The following RAB3IP variants were observed in gnomAD, a reference collection of about 807,000 sequenced individuals.
The protein encoded by RAB3IP is RAB3A interacting protein.
RAB3IP carries 36 observed loss-of-function variants against 59.1 expected under a neutral mutation model. The ratio of observed to expected loss-of-function variants is 0.61; its 90% confidence interval spans 0.47 to 0.80. The LOEUF is 0.80. Among genes scored for constraint, RAB3IP ranks in the 30% least tolerant of loss-of-function variants. The pLI, the probability that RAB3IP is intolerant of heterozygous loss-of-function variation, is 0.00. For missense variants in RAB3IP, 511 were observed against 536.0 expected, an observed-to-expected ratio of 0.95 and a Z score of 0.46; for synonymous variants, 207 against 191.2, an observed-to-expected ratio of 1.08 and a Z score of -0.68.
chr12:69,739,859 A>T (rs978916903), intron 1 of RAB3IP: 2 of 1,612,060 alleles, frequency 1.2e-6, no homozygotes, highest in Non-Finnish European at 8.5e-7. Flanking sequence ...GGGATTAAAA[A>T]AGATGAAAGG....
At position 69,744,640 on chromosome 12, in the gene RAB3IP, C is replaced by T. The variant is rs182728526; in HGVS notation, c.-26+5609C>T. On this transcript the variant is annotated intron_variant, in intron 1 of 10. Coordinates refer to ENST00000247833, the MANE Select transcript of RAB3IP (RefSeq NM_022456.5). The stretch of plus-strand genomic sequence containing the variant: ...TCAGGAGACAGATGTTGCAGTGAGC[C>T]GAGATTGTGCCACTGCACTCCAGCC... Among the ~76,000 whole-genome samples, 15 of 150,508 alleles carry T rather than the reference C, an allele frequency of 1.0e-4. 1 individual carries two copies. Among genetic ancestry groups the T allele is most frequent in the African/African-American group, 2.5e-4 (10 of 40,776 alleles).
At chr12:69,786,932 T>A (rs1483114534) in intron 4 of RAB3IP, among the ~76,000 whole-genome samples, 2 of 152,210 alleles carry the variant, frequency 1.3e-5, no homozygotes, top group African/African-American at 2.4e-5. Flanking sequence ...TTAAAGATGA[T>A]TTTGGTAATG....
chr12:69,788,905 A>G (rs1876161669), intron 4 of RAB3IP, among the ~76,000 whole-genome samples: 1 of 152,076 alleles, frequency 6.6e-6, no homozygotes. Flanking sequence ...AAACAGGAAA[A>G]CTCAAATGTG....
At chr12:69,812,578 ATAC>A (rs1880603370) in intron 8 of RAB3IP, 197 bp from the exon 9 acceptor site, 5 of 523,378 alleles carry the variant, frequency 9.6e-6, no homozygotes, top group Non-Finnish European at 1.7e-5. Context: ...CATTAAACTT[ATAC>A]TACTAATAGA....
At chr12:69,788,774 G>A (rs1876138061) in intron 4 of RAB3IP, among the ~76,000 whole-genome samples, 1 of 152,068 alleles carries the variant, frequency 6.6e-6, no homozygotes, top group South Asian at 2.1e-4. Flanking sequence ...AGGTGCACAT[G>A]AAACATTCTC....
chr12:69,749,816 T>A (rs1297834751), intron 1 of RAB3IP, among the ~76,000 whole-genome samples: 1 of 152,222 alleles, frequency 6.6e-6, no homozygotes, highest in Non-Finnish European at 1.5e-5. Context: ...TTATCACATA[T>A]CATTGCCTCT....
At chr12:69,751,624 A>G (rs945746962) in intron 1 of RAB3IP, among the ~76,000 whole-genome samples, 1 of 152,168 alleles carries the variant, frequency 6.6e-6, no homozygotes, top group Admixed American at 6.5e-5. Context: ...TATTTGCTTC[A>G]TCTTATAACA....
At chr12:69,759,894 G>A (rs1468176314) in intron 3 of RAB3IP, among the ~76,000 whole-genome samples, 3 of 151,782 alleles carry the variant, frequency 2.0e-5, no homozygotes, top group Non-Finnish European at 4.4e-5. Flanking sequence ...CCTCCCAGAC[G>A]GGGTCGCGGC....
chr12:69,802,770 G>C (rs1878593089), intron 8 of RAB3IP, among the ~76,000 whole-genome samples: 1 of 152,176 alleles, frequency 6.6e-6, no homozygotes, highest in African/African-American at 2.4e-5. Context: ...TCTATTCCCT[G>C]TTACGCACGT....
intron 8 of RAB3IP, among the ~76,000 whole-genome samples, chr12:69,808,723 C>T (rs1048075768): frequency 2.0e-5 from 3 of 152,040 alleles, no homozygotes; most frequent in African/African-American, 7.2e-5. Context: ...GATTACAACC[C>T]CTGCCTTTTT....
intron 8 of RAB3IP, among the ~76,000 whole-genome samples, chr12:69,804,975 G>A (rs1452646738): frequency 6.6e-6 from 1 of 152,216 alleles, no homozygotes; most frequent in African/African-American, 2.4e-5. Flanking sequence ...ACTTGGCAAT[G>A]TAGGCTCTTT....
intron 8 of RAB3IP, among the ~76,000 whole-genome samples, chr12:69,803,776 G>A (rs1164216512): frequency 6.6e-6 from 1 of 152,002 alleles, no homozygotes; most frequent in Admixed American, 6.6e-5. Context: ...GCGATAGTTT[G>A]CTGAGAATGA....
At chr12:69,755,765 T>C in intron 2 of RAB3IP, 106 bp downstream of exon 2, 1 of 890,576 alleles carries the variant, frequency 1.1e-6, no homozygotes, top group Non-Finnish European at 1.7e-6. Flanking sequence ...ATAACTTAAG[T>C]GTGCCTAGGT....
chr12:69,812,348 C>A (rs1460649585), intron 8 of RAB3IP: 1 of 158,300 alleles, frequency 6.3e-6, no homozygotes, highest in African/African-American at 2.4e-5. Flanking sequence ...ACCAAATAAA[C>A]AAATACCCCA....
intron 4 of RAB3IP, among the ~76,000 whole-genome samples, chr12:69,786,427 A>T (rs543680780): frequency 6.6e-6 from 1 of 152,282 alleles, no homozygotes; most frequent in Admixed American, 6.5e-5. Flanking sequence ...CTAGCTAGTC[A>T]TCAGAGATGA....
chr12:69,772,020 T>A (rs1265663287), intron 3 of RAB3IP, among the ~76,000 whole-genome samples: 1 of 152,208 alleles, frequency 6.6e-6, no homozygotes, highest in East Asian at 1.9e-4. Flanking sequence ...TGTTTCCGTT[T>A]CTGGGAGTGA....
chr12:69,791,914 A>G (rs1330801217), intron 4 of RAB3IP, among the ~76,000 whole-genome samples: 3 of 152,200 alleles, frequency 2.0e-5, no homozygotes, highest in Non-Finnish European at 2.9e-5. Flanking sequence ...AACAAGTTAT[A>G]TGTCTATTGA....
At chr12:69,752,020 T>C (rs1340727760) in intron 1 of RAB3IP, among the ~76,000 whole-genome samples, 3 of 148,528 alleles carry the variant, frequency 2.0e-5, no homozygotes, top group Non-Finnish European at 4.5e-5. Context: ...TTTTTTTTTT[T>C]CAGGATAGGG....
chr12:69,782,813 T>C (rs527598532), intron 3 of RAB3IP, among the ~76,000 whole-genome samples: 3 of 151,980 alleles, frequency 2.0e-5, no homozygotes, highest in Non-Finnish European at 4.4e-5. Context: ...TTTTTTGTTT[T>C]GTTTTTTTTT....
Sources: allele counts gnomAD v4.1 joint callset (sites outside exome capture counted in the v4.1 genomes callset), GRCh38; gene constraint gnomAD v4.1.1; transcripts MANE v1.5; gene names NCBI Gene and HGNC (gene_info 2026-07-23, HGNC 2026-07-21).